Variants in HTR2C observed in about 807,000 individuals in gnomAD.
HTR2C encodes 5-hydroxytryptamine (serotonin) receptor 2C, G protein-coupled.
In HTR2C, 5 loss-of-function variants were observed where a neutral mutation model predicts 21.0. The observed-to-expected ratio is 0.24, with a 90% confidence interval of 0.12 to 0.50. The LOEUF (loss-of-function observed/expected upper bound fraction) is 0.50. Among genes scored for constraint, HTR2C ranks in the 20% least tolerant of loss-of-function variants. The pLI is 0.98. For missense variants in HTR2C, 271 were observed against 371.2 expected, an observed-to-expected ratio of 0.73 and a Z score of 2.22; for synonymous variants, 150 against 145.3, an observed-to-expected ratio of 1.03 and a Z score of -0.23.
At chrX:114,724,113 G>T (rs1392355398) in intron 2 of HTR2C, among the ~76,000 whole-genome samples, 1 of 105,769 alleles carries the variant, frequency 9.5e-6, no homozygotes, top group African/African-American at 3.4e-5. Context: ...GTTGACAGTG[G>T]GGTGTTAAAG....
intron 2 of HTR2C, among the ~76,000 whole-genome samples, chrX:114,681,813 G>A (rs1931756972): frequency 9.0e-6 from 1 of 111,249 alleles, no homozygotes; most frequent in African/African-American, 3.3e-5. Context: ...AAATATATTA[G>A]AGTTTTCTAT....
intron 5 of HTR2C, among the ~76,000 whole-genome samples, chrX:114,868,172 T>A (rs1449491036): frequency 9.0e-6 from 1 of 111,231 alleles, no homozygotes; most frequent in Non-Finnish European, 1.9e-5. Flanking sequence ...GGTGTCCCCT[T>A]CAGTTTTTTT....
intron 5 of HTR2C, among the ~76,000 whole-genome samples, chrX:114,869,388 C>T (rs2071073987): frequency 9.0e-6 from 1 of 111,561 alleles, no homozygotes; most frequent in South Asian, 3.8e-4. Context: ...AATGGTAATT[C>T]TAGTTCTAGA....
rs187310595 is a variant in HTR2C, at chrX:114,607,411, G to T, written c.-146-6404G>T. Among the ~76,000 whole-genome samples the T allele has an allele frequency of 9.8e-5, 11 of 111,707 alleles. No homozygotes were observed. In the East Asian group the frequency reaches 2.3e-3, roughly 23 times the overall value. ...AAGTCACTAGGACCTATGGTACAACGTTAAGATCAATGATGAAAAAGAGTC... is the reference window on the plus strand; with the variant it reads ...AAGTCACTAGGACCTATGGTACAACTTTAAGATCAATGATGAAAAAGAGTC... On this transcript the variant is annotated intron_variant, in intron 1 of 5. Transcript: ENST00000276198.
intron 2 of HTR2C, among the ~76,000 whole-genome samples, chrX:114,644,092 C>T (rs1253908356): frequency 9.2e-6 from 1 of 108,656 alleles, no homozygotes; most frequent in African/African-American, 3.4e-5. Flanking sequence ...CTTGTAATCC[C>T]AGCTCTTTGG....
At chrX:114,623,726 GT>G (rs782134428) in intron 2 of HTR2C, among the ~76,000 whole-genome samples, 360 of 110,684 alleles carry the variant, frequency 3.3e-3, no homozygotes, top group African/African-American at 0.011. Flanking sequence ...AAGTTTCTTA[GT>G]TTTTTCTATT....
intron 2 of HTR2C, among the ~76,000 whole-genome samples, chrX:114,683,004 A>G (rs1245603451): frequency 8.9e-6 from 1 of 112,039 alleles, no homozygotes; most frequent in Non-Finnish European, 1.9e-5. Context: ...CCAGGCAAGC[A>G]TATCTTACTG....
chrX:114,860,117 A>G, intron 5 of HTR2C, among the ~76,000 whole-genome samples: 1 of 111,550 alleles, frequency 9.0e-6, no homozygotes, highest in Non-Finnish European at 1.9e-5. Context: ...ACCTCAAAAG[A>G]CTATATATAT....
intron 4 of HTR2C, among the ~76,000 whole-genome samples, chrX:114,786,012 G>T (rs1183043843): frequency 8.9e-6 from 1 of 112,118 alleles, no homozygotes; most frequent in African/African-American, 3.2e-5. Context: ...TGCAATTTGA[G>T]AAAAGGACAA....
intron 4 of HTR2C, among the ~76,000 whole-genome samples, chrX:114,754,685 A>T (rs2069793813): frequency 9.0e-6 from 1 of 111,480 alleles, no homozygotes; most frequent in South Asian, 3.7e-4. Flanking sequence ...TTTAGAAAAA[A>T]AAAACACAAA....
At chrX:114,798,732 A>G (rs781876736) in intron 4 of HTR2C, among the ~76,000 whole-genome samples, 16 of 59,978 alleles carry the variant, frequency 2.7e-4, no homozygotes, top group African/African-American at 6.9e-4. Flanking sequence ...TTATCACATA[A>G]AAATACTACT....
chrX:114,805,406 C>CCT (rs371481335), intron 4 of HTR2C, among the ~76,000 whole-genome samples: 38 of 84,241 alleles, frequency 4.5e-4, no homozygotes, highest in East Asian at 4.3e-3. Context: ...GTCTCCACCC[C>CCT]TTTTTTTTTT....
intron 4 of HTR2C, among the ~76,000 whole-genome samples, chrX:114,806,277 T>G (rs1001343757): frequency 7.0e-5 from 7 of 99,431 alleles, no homozygotes; most frequent in East Asian, 3.2e-4. Flanking sequence ...ACACCATATA[T>G]ATACACACCA....
At chrX:114,903,422 G>A (rs1556485789) in intron 5 of HTR2C, among the ~76,000 whole-genome samples, 1 of 112,167 alleles carries the variant, frequency 8.9e-6, no homozygotes, top group African/African-American at 3.2e-5. Flanking sequence ...AATATACATG[G>A]CTCAGTGCCT....
intron 2 of HTR2C, among the ~76,000 whole-genome samples, chrX:114,614,621 C>G (rs1377578107): frequency 2.7e-5 from 3 of 111,164 alleles, no homozygotes; most frequent in Non-Finnish European, 3.8e-5. Flanking sequence ...CTGTTGTTTT[C>G]TATGATAAAT....
intron 2 of HTR2C, among the ~76,000 whole-genome samples, chrX:114,664,974 T>C (rs1556410716): frequency 8.9e-6 from 1 of 112,544 alleles, no homozygotes; most frequent in East Asian, 2.8e-4. Flanking sequence ...TTGTTTGAGA[T>C]ATCAAAAGAC....
chrX:114,840,714 TTAATC>T (rs1556465351), intron 4 of HTR2C, among the ~76,000 whole-genome samples: 1 of 111,912 alleles, frequency 8.9e-6, no homozygotes, highest in East Asian at 2.8e-4. Context: ...ATTCTGATGA[TTAATC>T]TAAGAAAATT....
At chrX:114,723,894 T>A (rs1933329859) in intron 2 of HTR2C, among the ~76,000 whole-genome samples, 1 of 99,312 alleles carries the variant, frequency 1.0e-5, no homozygotes, top group Admixed American at 1.2e-4. Flanking sequence ...TTTGTTATAA[T>A]CTCTGTTCTT....
intron 4 of HTR2C, among the ~76,000 whole-genome samples, chrX:114,735,989 T>G (rs782524210): frequency 9.1e-6 from 1 of 110,170 alleles, no homozygotes; most frequent in East Asian, 2.9e-4. Context: ...GGTGGGCACC[T>G]GTGGTCCCAG....
Sources: gnomAD v4.1 joint callset for allele counts (sites outside exome capture counted in the v4.1 genomes callset) on GRCh38, gnomAD v4.1.1 for gene constraint, MANE v1.5 for transcripts, NCBI Gene and HGNC (gene_info 2026-07-23, HGNC 2026-07-21) for gene names.